CIT: variants seen among roughly 807,000 people sequenced by gnomAD.
The protein encoded by CIT is citron rho-interacting serine/threonine kinase, also known as citron Rho-interacting kinase.
In CIT, 79 loss-of-function variants were observed where a neutral mutation model predicts 272.7. That is an observed-to-expected ratio of 0.29 (90% CI 0.24 to 0.35). The LOEUF (loss-of-function observed/expected upper bound fraction) is 0.35, where lower values mean the gene tolerates loss of function less well. Among genes scored for constraint, CIT ranks in the 10% least tolerant of loss-of-function variants. The probability of loss-of-function intolerance (pLI) is 1.00; values close to 1 mark genes in which losing one functional copy is unlikely to be tolerated. For missense variants in CIT, 1,909 were observed against 2,618.3 expected, an observed-to-expected ratio of 0.73 and a Z score of 5.91; for synonymous variants, 948 against 995.6, an observed-to-expected ratio of 0.95 and a Z score of 0.90.
chr12:119,709,346 G>A (rs921727390), intron 39 of CIT, among the ~76,000 whole-genome samples: 15 of 151,704 alleles, frequency 9.9e-5, no homozygotes, highest in Admixed American at 8.5e-4. Flanking sequence ...TCTAACGAAC[G>A]TATCACTCTG....
chr12:119,736,786 A>G (rs1448478433), intron 24 of CIT, among the ~76,000 whole-genome samples: 1 of 152,234 alleles, frequency 6.6e-6, no homozygotes. Flanking sequence ...AACAATGCCC[A>G]GTAGTTCAAC....
At position 119,686,073 on chromosome 12, in the gene CIT, AAAGT is replaced by A. The variant is rs1236940959; in HGVS notation, c.*2155_*2158del. On this transcript the variant is annotated 3_prime_UTR_variant, in exon 48 of 48. Transcript: ENST00000392521. ...TCCACAACTACCACCATTGAAACCA[AAAGT>A]AAGTGTTGAAAAATGCACCTTTTAC... The A allele has an allele frequency of 6.6e-6, 1 of 152,562 alleles. No homozygotes were observed. The highest frequency in any genetic ancestry group is 1.5e-5 in the Non-Finnish European group (1 of 68,034). 9.5% of individuals were successfully genotyped at this position (152,562 alleles called of 1,614,324 possible). A position where few individuals can be genotyped will look rare whatever the true frequency, so the allele number is the denominator to read the frequency against.
In CIT at chr12:119,690,469, G is replaced by C; in HGVS notation, c.5883-15C>G. On this transcript the variant is annotated splice_polypyrimidine_tract_variant and intron_variant, in intron 46 of 47. Coordinates refer to ENST00000392521, the MANE Select transcript of CIT (RefSeq NM_001206999.2). The surrounding 1 kb of genome is among the most constrained non-coding windows in gnomAD (Gnocchi z 6.0). ...TGTTGGGGCTGCTGGCGACACAAGA[G>C]GAACGTAGGGAGCTGCGAGGCCACA... 6.4e-7 allele frequency: 1 copy of C among 1,564,656 alleles called. No homozygotes were observed. The highest frequency in any genetic ancestry group is 8.6e-7 in the Non-Finnish European group (1 of 1,166,004).
intron 41 of CIT, among the ~76,000 whole-genome samples, chr12:119,704,037 G>GC (rs1005836015): frequency 7.9e-5 from 12 of 152,050 alleles, no homozygotes; most frequent in East Asian, 7.7e-4. Flanking sequence ...CTTAGAAAGA[G>GC]CCCCCCCTTT....
chr12:119,823,910 G>A (rs993925953), intron 8 of CIT, among the ~76,000 whole-genome samples: 1 of 151,380 alleles, frequency 6.6e-6, no homozygotes, highest in Non-Finnish European at 1.5e-5. Context: ...CATGGTGGTG[G>A]GCACCCGTGA....
In CIT at chr12:119,830,006, C is replaced by T. The variant is rs1430623005; in HGVS notation, c.753+2765G>A. ...TATGAGTACAGGCAACATTTAGAAC[C>T]TACTTTAGGCCTACAGACATTTCAT... On this transcript the variant is annotated intron_variant, in intron 7 of 47. Transcript: ENST00000392521. 2.0e-5 allele frequency among the ~76,000 whole-genome samples: 3 copies of T among 151,370 alleles called. No individual in the cohort carries two copies. The East Asian group carries it at 5.8e-4, about 29-fold the overall frequency.
chr12:119,846,368 A>G (rs1015797011), intron 5 of CIT, among the ~76,000 whole-genome samples: 7 of 152,250 alleles, frequency 4.6e-5, no homozygotes, highest in African/African-American at 1.4e-4. Context: ...AATAATGCTT[A>G]CTTTTAAGAA....
At chr12:119,843,310 G>A (rs1018010011) in intron 5 of CIT, among the ~76,000 whole-genome samples, 5 of 152,126 alleles carry the variant, frequency 3.3e-5, no homozygotes, top group African/African-American at 7.2e-5. Context: ...TTTCAACAGC[G>A]GGCTGACTTG....
intron 46 of CIT, among the ~76,000 whole-genome samples, chr12:119,691,765 CAGAG>C (rs1955963358): frequency 6.6e-6 from 1 of 152,212 alleles, no homozygotes; most frequent in Non-Finnish European, 1.5e-5. Flanking sequence ...CCTACAAACA[CAGAG>C]AGAACTGAAA....
chr12:119,738,958 T>G (rs942063494), intron 24 of CIT, among the ~76,000 whole-genome samples: 1 of 152,018 alleles, frequency 6.6e-6, no homozygotes, highest in Admixed American at 6.5e-5. Flanking sequence ...GCTTATCTGT[T>G]GTTTTTCAGT....
At position 119,710,809 on chromosome 12, in the gene CIT, T is replaced by G; in HGVS notation, c.4855-189A>C. On this transcript the variant is annotated intron_variant, in intron 37 of 47. Coordinates refer to ENST00000392521, the MANE Select transcript of CIT (RefSeq NM_001206999.2). The surrounding 1 kb of genome is among the most constrained non-coding windows in gnomAD (Gnocchi z 5.6). Reference sequence around the variant, plus strand: ...TCCAAATGCAAAATGCGAGTGCTATTGGTATCTCTGGGGCAGCTGTTAATT... The same window carrying G: ...TCCAAATGCAAAATGCGAGTGCTATGGGTATCTCTGGGGCAGCTGTTAATT... 1 of 667,418 alleles carries G rather than the reference T, an allele frequency of 1.5e-6. No homozygotes were observed. The highest frequency in any genetic ancestry group is 1.9e-5 in the South Asian group (1 of 53,954). 41.3% of individuals were successfully genotyped at this position (667,418 alleles called of 1,614,324 possible).
chr12:119,875,074 A>G (rs752892143), intron 2 of CIT, among the ~76,000 whole-genome samples: 11 of 152,186 alleles, frequency 7.2e-5, no homozygotes, highest in Non-Finnish European at 1.5e-4. Flanking sequence ...AAGCTGTGAC[A>G]AGTAGATCAC....
At chr12:119,760,204 AG>A (rs202018889) in intron 20 of CIT, among the ~76,000 whole-genome samples, 4,353 of 148,540 alleles carry the variant, frequency 0.029, 108 homozygotes, top group African/African-American at 0.039. Flanking sequence ...AAAAAAAAAA[AG>A]AGAGAGATTC....
At chr12:119,716,962 A>C (rs1170868598) in intron 32 of CIT, among the ~76,000 whole-genome samples, 1 of 152,222 alleles carries the variant, frequency 6.6e-6, no homozygotes, top group Non-Finnish European at 1.5e-5. Context: ...CTAAGATAGC[A>C]CTTTAATGAA....
At chr12:119,746,237 T>C (rs1371257811) in intron 23 of CIT, among the ~76,000 whole-genome samples, 1 of 152,210 alleles carries the variant, frequency 6.6e-6, no homozygotes, top group Non-Finnish European at 1.5e-5. Context: ...AAATGCCAGA[T>C]AAGGAAATTT....
At chr12:119,868,908 A>G (rs1950587611) in intron 3 of CIT, 152 bp downstream of exon 3, 2 of 858,778 alleles carry the variant, frequency 2.3e-6, no homozygotes, top group South Asian at 1.9e-5. Context: ...TCCCAGCTAT[A>G]AGAGGTGCAG....
At chr12:119,691,384 T>C (rs1955937165) in intron 46 of CIT, among the ~76,000 whole-genome samples, 1 of 152,128 alleles carries the variant, frequency 6.6e-6, no homozygotes, top group Non-Finnish European at 1.5e-5. Context: ...TTAACTGCCA[T>C]GTCTGTCCCA....
intron 23 of CIT, among the ~76,000 whole-genome samples, chr12:119,750,821 T>C (rs550766667): frequency 1.3e-5 from 2 of 152,222 alleles, no homozygotes; most frequent in African/African-American, 4.8e-5. Flanking sequence ...ACACGTGCAT[T>C]ACATCGAGGT....
At chr12:119,691,898 T>A (rs1955971183) in intron 46 of CIT, among the ~76,000 whole-genome samples, 1 of 152,176 alleles carries the variant, frequency 6.6e-6, no homozygotes, top group Non-Finnish European at 1.5e-5. Context: ...AGGAAAAAAA[T>A]TACAGTGAAT....
Sources: allele counts gnomAD v4.1 joint callset (sites outside exome capture counted in the v4.1 genomes callset), GRCh38; gene constraint gnomAD v4.1.1; non-coding constraint Gnocchi (gnomAD v3.1); transcripts MANE v1.5; gene names NCBI Gene and HGNC (gene_info 2026-07-23, HGNC 2026-07-21).